SOX6: variants seen among roughly 807,000 people sequenced by gnomAD.
SOX6 encodes transcription factor SOX-6.
SOX6 carries 11 observed loss-of-function variants against 97.8 expected under a neutral mutation model. The observed-to-expected ratio is 0.11, with a 90% CI of 0.07 to 0.19. SOX6 has a LOEUF of 0.19. Among genes scored for constraint, SOX6 ranks in the 10% least tolerant of loss-of-function variants. The pLI is 1.00. For synonymous variants in SOX6, 360 were observed against 371.4 expected (o/e 0.97, Z 0.35); for missense variants, 810 against 1,039.5 (o/e 0.78, Z 3.04).
intron 15 of SOX6, among the ~76,000 whole-genome samples, chr11:15,983,685 T>C (rs1345970624): frequency 6.6e-6 from 1 of 152,108 alleles, no homozygotes; most frequent in East Asian, 1.9e-4. Flanking sequence ...TGGCTCTACA[T>C]AGCAAGTATT....
At chr11:16,524,458 A>T (rs1349446218) in intron 4 of SOX6, among the ~76,000 whole-genome samples, 1 of 152,158 alleles carries the variant, frequency 6.6e-6, no homozygotes, top group African/African-American at 2.4e-5. Context: ...CTCTCAATAA[A>T]TTAGGTATTG....
chr11:15,990,698 T>C (rs1387771353), intron 13 of SOX6, among the ~76,000 whole-genome samples: 1 of 152,170 alleles, frequency 6.6e-6, no homozygotes, highest in Non-Finnish European at 1.5e-5. Context: ...AGAACTTCTA[T>C]AATTAAAGGT....
At chr11:16,691,850 C>A (rs1294292130) in intron 3 of SOX6, among the ~76,000 whole-genome samples, 1 of 152,124 alleles carries the variant, frequency 6.6e-6, no homozygotes, top group Non-Finnish European at 1.5e-5. Context: ...AGATAATAAT[C>A]ATTAACCTTT....
At chr11:16,109,086 CTTG>C (rs1470107452) in intron 7 of SOX6, among the ~76,000 whole-genome samples, 1 of 152,108 alleles carries the variant, frequency 6.6e-6, no homozygotes, top group African/African-American at 2.4e-5. Context: ...ACTTGTTCAT[CTTG>C]TTGTTTAGGG....
At chr11:16,627,043 A>G (rs994140583) in intron 3 of SOX6, among the ~76,000 whole-genome samples, 2 of 152,172 alleles carry the variant, frequency 1.3e-5, no homozygotes, top group African/African-American at 4.8e-5. Context: ...CTCAATATTT[A>G]ACTCCCACTT....
intron 2 of SOX6, among the ~76,000 whole-genome samples, chr11:16,330,225 T>C (rs1856243922): frequency 6.6e-6 from 1 of 152,188 alleles, no homozygotes; most frequent in South Asian, 2.1e-4. Context: ...GGCCTGATAG[T>C]GAATTTCCCA....
chr11:16,664,388 G>C (rs1219312521), intron 3 of SOX6, among the ~76,000 whole-genome samples: 7 of 152,190 alleles, frequency 4.6e-5, no homozygotes, highest in African/African-American at 7.2e-5. Flanking sequence ...ACTTGGGGGA[G>C]AGACAGCACA....
chr11:16,378,575 A>G (rs1402049489), intron 1 of SOX6, among the ~76,000 whole-genome samples: 1 of 152,118 alleles, frequency 6.6e-6, no homozygotes, highest in Non-Finnish European at 1.5e-5. Context: ...TGTTGGCATA[A>G]TTGGTTCTTC....
intron 3 of SOX6, chr11:16,315,780 A>AT (rs1459321196): frequency 2.0e-5 from 3 of 152,200 alleles, no homozygotes; most frequent in Admixed American, 2.0e-4. Context: ...AGACACCATC[A>AT]TGTCATCCTT....
chr11:16,295,623 T>C (rs1464492459), intron 3 of SOX6, among the ~76,000 whole-genome samples: 1 of 152,118 alleles, frequency 6.6e-6, no homozygotes, highest in Non-Finnish European at 1.5e-5. Flanking sequence ...ACTTACTCTA[T>C]TTCCTACCAT....
intron 12 of SOX6, among the ~76,000 whole-genome samples, chr11:16,024,524 A>G (rs1346156755): frequency 6.6e-6 from 1 of 151,160 alleles, no homozygotes; most frequent in Non-Finnish European, 1.5e-5. Context: ...CTATATATTT[A>G]TCTATGATTC....
At chr11:16,337,721 G>A (rs548093975) in intron 2 of SOX6, among the ~76,000 whole-genome samples, 1 of 152,196 alleles carries the variant, frequency 6.6e-6, no homozygotes, top group Admixed American at 6.5e-5. Flanking sequence ...CAACAATTTG[G>A]TGTGTATAAA....
intron 4 of SOX6, among the ~76,000 whole-genome samples, chr11:16,498,111 C>T (rs572382243): frequency 2.0e-4 from 31 of 152,348 alleles, no homozygotes; most frequent in African/African-American, 7.2e-4. Context: ...AGACTAACAG[C>T]TGATCTCTTG....
At chr11:16,731,072 T>C (rs7944906) in intron 2 of SOX6, among the ~76,000 whole-genome samples, 127,019 of 152,096 alleles carry the variant, frequency 0.84, 53,125 homozygotes, top group Middle Eastern at 0.91. Context: ...CCTGAATAGA[T>C]CAATAACAAG....
chr11:16,369,276 G>A (rs2134389965), intron 1 of SOX6, among the ~76,000 whole-genome samples: 1 of 152,142 alleles, frequency 6.6e-6, no homozygotes, highest in Admixed American at 6.5e-5. Context: ...TTCCTCAAAT[G>A]TCATATTCTC....
At chr11:16,185,793 C>G (rs1348376709) in intron 5 of SOX6, among the ~76,000 whole-genome samples, 1 of 152,150 alleles carries the variant, frequency 6.6e-6, no homozygotes, top group East Asian at 1.9e-4. Flanking sequence ...TACAGTGTTC[C>G]TTTATGTTAT....
intron 2 of SOX6, among the ~76,000 whole-genome samples, chr11:16,332,958 C>A (rs999745393): frequency 3.9e-5 from 6 of 152,082 alleles, no homozygotes; most frequent in African/African-American, 1.4e-4. Flanking sequence ...AATACATATT[C>A]ATTATAGGTG....
intron 10 of SOX6, among the ~76,000 whole-genome samples, chr11:16,054,239 A>C (rs887138587): frequency 6.6e-6 from 1 of 152,164 alleles, no homozygotes; most frequent in East Asian, 1.9e-4. Flanking sequence ...AAAATATTTA[A>C]TACTCAATAG....
intron 13 of SOX6, among the ~76,000 whole-genome samples, chr11:15,999,480 G>A (rs1040429827): frequency 2.0e-4 from 30 of 151,664 alleles, no homozygotes; most frequent in African/African-American, 7.0e-4. Flanking sequence ...CCATACAATG[G>A]GATACTACTC....
Sources: allele counts gnomAD v4.1 joint callset (sites outside exome capture counted in the v4.1 genomes callset), GRCh38; gene constraint gnomAD v4.1.1; transcripts MANE v1.5; gene names NCBI Gene and HGNC (gene_info 2026-07-23, HGNC 2026-07-21).